TMEM163: variants seen among roughly 807,000 people sequenced by gnomAD.
The protein encoded by TMEM163 is transmembrane protein 163.
Under a neutral mutation model 29.3 loss-of-function variants are expected in TMEM163, and 17 were observed. The ratio of observed to expected loss-of-function variants is 0.58; its 90% CI spans 0.40 to 0.87. The LOEUF (loss-of-function observed/expected upper bound fraction) is 0.87. Among genes scored for constraint, TMEM163 ranks in the 40% least tolerant of loss-of-function variants. TMEM163 has a pLI of 0.00. For missense variants in TMEM163, 303 were observed against 381.5 expected (o/e 0.79, Z 1.71); for synonymous variants, 157 against 160.6 (o/e 0.98, Z 0.17).
chr2:134,603,368 C>T (rs949938462), intron 2 of TMEM163, among the ~76,000 whole-genome samples: 6 of 152,154 alleles, frequency 3.9e-5, no homozygotes, highest in Non-Finnish European at 5.9e-5. Context: ...TTTGAACTGA[C>T]GGTAATGAGG....
chr2:134,674,498 C>CGCGCGCGCGT (rs1684065999), intron 2 of TMEM163, among the ~76,000 whole-genome samples: 1 of 88,394 alleles, frequency 1.1e-5, no homozygotes, highest in African/African-American at 5.7e-5. Flanking sequence ...CGCGCGCGCG[C>CGCGCGCGCGT]GCGCGCGCGC....
intron 2 of TMEM163, among the ~76,000 whole-genome samples, chr2:134,612,397 C>A (rs991331472): frequency 6.6e-6 from 1 of 152,136 alleles, no homozygotes; most frequent in African/African-American, 2.4e-5. Context: ...GAAGACTGCA[C>A]ACGTGCAGGG....
chr2:134,462,317 G>A (rs1025063481), intron 6 of TMEM163, among the ~76,000 whole-genome samples: 10 of 151,892 alleles, frequency 6.6e-5, no homozygotes, highest in Admixed American at 3.9e-4. Flanking sequence ...CAGCTCCCTC[G>A]ACTCTGCTCC....
intron 2 of TMEM163, among the ~76,000 whole-genome samples, chr2:134,605,847 A>C (rs191042539): frequency 1.3e-5 from 2 of 152,350 alleles, no homozygotes; most frequent in Non-Finnish European, 2.9e-5. Context: ...GTATTGTGTA[A>C]GTGACAACAG....
rs1186158923 is a variant in TMEM163 at position 134,503,300 on chromosome 2, C to T, written c.459-303G>A. Among the ~76,000 whole-genome samples, 4 of 152,318 alleles carry T rather than the reference C, an allele frequency of 2.6e-5. No individual in the cohort carries two copies. The East Asian group carries it at 5.8e-4, about 22-fold the overall frequency. ...AGGCCATGAAATCTTTCTCCCTTGC[C>T]TGGCAAATGTGATGTTTCATTCCTG... On this transcript the variant is annotated intron_variant, in intron 4 of 7. Transcript: ENST00000281924.
chr2:134,628,410 C>T (rs894685159), intron 2 of TMEM163, among the ~76,000 whole-genome samples: 20 of 152,370 alleles, frequency 1.3e-4, no homozygotes, highest in Non-Finnish European at 4.4e-5. Context: ...GCAATAGTCT[C>T]TCTGGTAAGA....
chr2:134,586,175 T>A (rs1158548128), intron 2 of TMEM163, among the ~76,000 whole-genome samples: 1 of 152,258 alleles, frequency 6.6e-6, no homozygotes, highest in Admixed American at 6.5e-5. Flanking sequence ...CAATTTCCTT[T>A]TCTTTAGTGA....
intron 5 of TMEM163, among the ~76,000 whole-genome samples, chr2:134,472,690 A>G (rs1686831737): frequency 6.6e-6 from 1 of 152,248 alleles, no homozygotes; most frequent in Non-Finnish European, 1.5e-5. Flanking sequence ...AACTGATAGA[A>G]CAAACTAACA....
At chr2:134,506,552 C>T (rs545124756) in intron 4 of TMEM163, among the ~76,000 whole-genome samples, 14 of 152,208 alleles carry the variant, frequency 9.2e-5, no homozygotes, top group African/African-American at 1.9e-4. Flanking sequence ...CAAGGATTAG[C>T]GGGCTTGCCT....
chr2:134,718,944 G>A lies in TMEM163; in HGVS notation c.-9C>T, dbSNP rs1261744214. ...CCCGCGGCCGGCTCCATGGCGCGGGGCTGCGGATCCCGGCGGCGGCGACGA... is the reference window on the plus strand; with the variant it reads ...CCCGCGGCCGGCTCCATGGCGCGGGACTGCGGATCCCGGCGGCGGCGACGA... On this transcript the variant is annotated 5_prime_UTR_variant, in exon 1 of 8. Coordinates refer to ENST00000281924, the MANE Select transcript of TMEM163 (RefSeq NM_030923.5). 3.8e-6 allele frequency: 4 copies of A among 1,041,972 alleles called. No individual in the cohort carries two copies. The highest frequency in any genetic ancestry group is 3.5e-6 in the Non-Finnish European group (3 of 868,672). The allele number at this position is 1,041,972 out of a possible 1,614,324, so 64.5% of individuals were successfully genotyped here. A position where few individuals can be genotyped will look rare whatever the true frequency, so the allele number is the denominator to read the frequency against.
At chr2:134,695,902 A>G (rs1225473109) in intron 2 of TMEM163, among the ~76,000 whole-genome samples, 1 of 152,116 alleles carries the variant, frequency 6.6e-6, no homozygotes, top group Non-Finnish European at 1.5e-5. Context: ...AATACAAAAA[A>G]TTAGCCAGGC....
intron 2 of TMEM163, among the ~76,000 whole-genome samples, chr2:134,589,335 A>G (rs533657890): frequency 4.6e-5 from 7 of 152,346 alleles, no homozygotes; most frequent in South Asian, 4.1e-4. Context: ...GAGGTTAGGC[A>G]TTCTTAGTCA....
intron 2 of TMEM163, among the ~76,000 whole-genome samples, chr2:134,630,093 G>A (rs1682933873): frequency 6.6e-6 from 1 of 152,044 alleles, no homozygotes; most frequent in South Asian, 2.1e-4. Context: ...GACTGTTCAC[G>A]GTGCCTAACT....
intron 4 of TMEM163, among the ~76,000 whole-genome samples, chr2:134,546,501 G>A (rs1477826879): frequency 2.6e-5 from 4 of 152,116 alleles, no homozygotes; most frequent in African/African-American, 4.8e-5. Context: ...AAAATTAGCC[G>A]GGCCCCATGG....
chr2:134,653,096 G>T (rs1445539443), intron 2 of TMEM163, among the ~76,000 whole-genome samples: 1 of 115,006 alleles, frequency 8.7e-6, no homozygotes, highest in Admixed American at 8.6e-5. Flanking sequence ...TTTTTCTATT[G>T]ATTGGAATAG....
rs5834421 is a variant in TMEM163 at position 134,604,436 on chromosome 2, GAA to G, written c.323-52347_323-52346del. On this transcript the variant is annotated intron_variant, in intron 2 of 7. Coordinates refer to ENST00000281924, the MANE Select transcript of TMEM163 (RefSeq NM_030923.5). Reference sequence around the variant, plus strand: ...TGAGCCATAACCTTAGCTTTTACTGGAAAAAAAAAAAAAAACCTCAAAATAAA... The same window carrying G: ...TGAGCCATAACCTTAGCTTTTACTGGAAAAAAAAAAAAACCTCAAAATAAA... Among the ~76,000 whole-genome samples the G allele has an allele frequency of 8.4e-3, 1,193 of 142,486 alleles. 17 individuals are homozygous for G. Among genetic ancestry groups the G allele is most frequent in the East Asian group, 0.057 (266 of 4,700 alleles). 93.5% of individuals were successfully genotyped at this position (142,486 alleles called of 152,430 possible). A position where few individuals can be genotyped will look rare whatever the true frequency, so the allele number is the denominator to read the frequency against.
intron 5 of TMEM163, among the ~76,000 whole-genome samples, chr2:134,488,149 T>A (rs553689648): frequency 6.6e-6 from 1 of 152,348 alleles, no homozygotes; most frequent in African/African-American, 2.4e-5. Context: ...ATGGTTAATA[T>A]TGAGTGCCAA....
chr2:134,674,594 G>A (rs910855873), intron 2 of TMEM163, among the ~76,000 whole-genome samples: 1 of 151,688 alleles, frequency 6.6e-6, no homozygotes, highest in East Asian at 1.9e-4. Context: ...TCCTGACTTC[G>A]TGATCCGCCC....
intron 4 of TMEM163, among the ~76,000 whole-genome samples, chr2:134,513,211 G>A (rs1050812436): frequency 6.6e-6 from 1 of 152,184 alleles, no homozygotes; most frequent in Admixed American, 6.5e-5. Flanking sequence ...TGGAGACAGG[G>A]AAGACTGTAG....
Sources: gnomAD v4.1 joint callset for allele counts (sites outside exome capture counted in the v4.1 genomes callset) on GRCh38, gnomAD v4.1.1 for gene constraint, MANE v1.5 for transcripts, NCBI Gene and HGNC (gene_info 2026-07-23, HGNC 2026-07-21) for gene names.